The following FAM184B variants were observed in gnomAD, a reference collection of about 807,000 sequenced individuals.
FAM184B encodes family with sequence similarity 184 member B.
FAM184B carries 111 observed loss-of-function variants against 135.9 expected under a neutral mutation model. That is an observed-to-expected ratio of 0.82 (90% CI 0.70 to 0.96). FAM184B has a LOEUF of 0.96. Among genes scored for constraint, FAM184B ranks in the 40% least tolerant of loss-of-function variants. FAM184B has a pLI of 0.00. For synonymous variants in FAM184B, 552 were observed against 524.8 expected (o/e 1.05, Z -0.71); for missense variants, 1,375 against 1,323.9 (o/e 1.04, Z -0.60).
chr4:17,749,611 T>G (rs1718249404), intron 1 of FAM184B, among the ~76,000 whole-genome samples: 1 of 152,206 alleles, frequency 6.6e-6, no homozygotes, highest in African/African-American at 2.4e-5. Flanking sequence ...CCTGCATTTG[T>G]TGCCATGTTA....
chr4:17,636,693 A>C, intron 14 of FAM184B, 48 bp from the exon 15 acceptor site: 3 of 1,407,938 alleles, frequency 2.1e-6, no homozygotes, highest in Non-Finnish European at 2.9e-6. Context: ...GCAATTACTC[A>C]ACAAAGAGGG....
chr4:17,728,838 G>A (rs1048898338), intron 1 of FAM184B, among the ~76,000 whole-genome samples: 1 of 152,192 alleles, frequency 6.6e-6, no homozygotes, highest in African/African-American at 2.4e-5. Context: ...GAAGACAGGT[G>A]ATTTCTGCAT....
chr4:17,781,472 G>T lies in FAM184B; in HGVS notation c.-173C>A. On this transcript the variant is annotated 5_prime_UTR_variant, in exon 1 of 18. Coordinates refer to ENST00000265018, the MANE Select transcript of FAM184B (RefSeq NM_015688.2). The surrounding 1 kb of genome is among the most constrained non-coding windows in gnomAD (Gnocchi z 6.5). ...CTTCCCGAAGGTCTCCGCCTCCCGG[G>T]CCCACCCGCGCGCCCACCCTTTTTC... 3 of 742,394 alleles carry T rather than the reference G, an allele frequency of 4.0e-6. No individual in the cohort carries two copies. The highest frequency in any genetic ancestry group is 5.9e-6 in the Non-Finnish European group (3 of 507,152). The allele number at this position is 742,394 out of a possible 1,614,324, so 46.0% of individuals were successfully genotyped here.
At chr4:17,738,236 T>A (rs1172346804) in intron 1 of FAM184B, among the ~76,000 whole-genome samples, 1 of 151,798 alleles carries the variant, frequency 6.6e-6, no homozygotes, top group African/African-American at 2.4e-5. Context: ...GGTCTGAGGG[T>A]TGGAAGGGTA....
chr4:17,699,174 T>TACAG, intron 5 of FAM184B, among the ~76,000 whole-genome samples: 1 of 151,686 alleles, frequency 6.6e-6, no homozygotes. Flanking sequence ...GAAAGATGAG[T>TACAG]AAACTTGAAG....
chr4:17,745,582 C>A (rs1478150557), intron 1 of FAM184B, among the ~76,000 whole-genome samples: 1 of 152,222 alleles, frequency 6.6e-6, no homozygotes, highest in African/African-American at 2.4e-5. Context: ...CCACTTCCTT[C>A]CGTCTCCTTT....
At position 17,658,538 on chromosome 4, in the gene FAM184B, C is replaced by T. The variant is rs1715835202; in HGVS notation, c.1849G>A (p.Glu617Lys). ...AQVSQMQQAL[E>K]QCTSNYREDL... ...TCCCTGTAGTTGCTGGTGCACTGCT[C>T]CAGAGCCTGCTGCATCTGTGAGACC... Residue 617 changes from glutamate to lysine, a missense_variant, in exon 10 of 18, where the codon GAG becomes AAG. Transcript: ENST00000265018. The T allele has an allele frequency of 6.4e-7, 1 of 1,551,080 alleles. No homozygotes were observed. The highest frequency in any genetic ancestry group is 1.4e-5 in the African/African-American group (1 of 73,036).
intron 7 of FAM184B, among the ~76,000 whole-genome samples, chr4:17,685,443 G>A (rs1263910750): frequency 6.6e-6 from 1 of 151,440 alleles, no homozygotes; most frequent in Non-Finnish European, 1.5e-5. Context: ...CAGCTACTTG[G>A]GAGGCTGAGG....
intron 1 of FAM184B, among the ~76,000 whole-genome samples, chr4:17,779,551 T>A (rs1461497547): frequency 6.6e-6 from 1 of 152,262 alleles, no homozygotes; most frequent in African/African-American, 2.4e-5. Flanking sequence ...TGCTATTTTA[T>A]ATTGAAATGA....
At chr4:17,704,188 G>T (rs1420954057) in intron 5 of FAM184B, among the ~76,000 whole-genome samples, 1 of 152,146 alleles carries the variant, frequency 6.6e-6, no homozygotes, top group Non-Finnish European at 1.5e-5. Context: ...CTATAAAGAG[G>T]CCTCCTTGTA....
intron 12 of FAM184B, among the ~76,000 whole-genome samples, chr4:17,644,003 G>A (rs1345279490): frequency 6.6e-6 from 1 of 152,256 alleles, no homozygotes; most frequent in Non-Finnish European, 1.5e-5. Context: ...CTCAGAGCCA[G>A]AGGGGGCCAC....
At chr4:17,739,553 C>CTTTTTTTTTTTTT (rs1560190028) in intron 1 of FAM184B, among the ~76,000 whole-genome samples, 74 of 8,580 alleles carry the variant, frequency 8.6e-3, no homozygotes, top group Non-Finnish European at 0.019. Flanking sequence ...GTCATACCAA[C>CTTTTTTTTTTTTT]TGTTTTTTTT....
chr4:17,691,654 C>T (rs1012196917), intron 6 of FAM184B, among the ~76,000 whole-genome samples: 4 of 146,818 alleles, frequency 2.7e-5, no homozygotes, highest in Non-Finnish European at 6.0e-5. Context: ...CCAATGCACT[C>T]CAGCCTGGGC....
At chr4:17,687,993 A>G (rs966851444) in intron 7 of FAM184B, among the ~76,000 whole-genome samples, 2 of 152,164 alleles carry the variant, frequency 1.3e-5, no homozygotes, top group Non-Finnish European at 2.9e-5. Context: ...GGCGTCCCTG[A>G]AACGGCAGGT....
intron 1 of FAM184B, among the ~76,000 whole-genome samples, chr4:17,742,795 G>T (rs1216131794): frequency 6.6e-6 from 1 of 152,300 alleles, no homozygotes; most frequent in East Asian, 1.9e-4. Flanking sequence ...CTTTCAAACA[G>T]TTCATGTGAC....
chr4:17,705,230 TA>T (rs1346133383), intron 4 of FAM184B, 24 bp from the exon 5 acceptor site: 1 of 1,531,980 alleles, frequency 6.5e-7, no homozygotes, highest in African/African-American at 1.4e-5. Context: ...AAGGACCTTG[TA>T]AAACCACTGG....
intron 11 of FAM184B, among the ~76,000 whole-genome samples, chr4:17,651,018 G>A (rs1477730429): frequency 6.6e-6 from 1 of 152,138 alleles, no homozygotes; most frequent in Non-Finnish European, 1.5e-5. Flanking sequence ...CTACAGGCAT[G>A]AGCCACCACA....
chr4:17,643,647 G>A (rs906157851), intron 12 of FAM184B, among the ~76,000 whole-genome samples: 1 of 152,170 alleles, frequency 6.6e-6, no homozygotes, highest in African/African-American at 2.4e-5. Context: ...TAACCACTGG[G>A]CTAACCTGTG....
chr4:17,765,763 G>A (rs1401514380), intron 1 of FAM184B, among the ~76,000 whole-genome samples: 1 of 152,160 alleles, frequency 6.6e-6, no homozygotes, highest in African/African-American at 2.4e-5. Flanking sequence ...TAAAGCCACG[G>A]ACCCTCCTGA....
Sources: allele counts gnomAD v4.1 joint callset (sites outside exome capture counted in the v4.1 genomes callset), GRCh38; gene constraint gnomAD v4.1.1; non-coding constraint Gnocchi (gnomAD v3.1); transcripts MANE v1.5; gene names NCBI Gene and HGNC (gene_info 2026-07-23, HGNC 2026-07-21).